The following GATA4 variants were observed in gnomAD, a reference collection of about 807,000 sequenced individuals.
GATA4 encodes the protein GATA binding protein 4.
In GATA4, 7 loss-of-function variants were observed where a neutral mutation model predicts 37.9. The observed-to-expected ratio is 0.18, with a 90% CI of 0.11 to 0.35. GATA4 has a LOEUF of 0.35. GATA4 is among the 10% of genes least tolerant of loss of function. GATA4 has a pLI of 1.00. For missense variants in GATA4, 647 were observed against 653.0 expected, an observed-to-expected ratio of 0.99 and a Z score of 0.10; for synonymous variants, 372 against 292.6, an observed-to-expected ratio of 1.27 and a Z score of -2.77.
Position 11,744,856 on chromosome 8 carries a change from G to C in GATA4, c.617-4060G>C, listed in dbSNP as rs553099814. ...CGCAATGGGACTTCTATGCTGGTGG[G>C]AATTCCACACTTTCTGCCCTAGACA... On this transcript the variant is annotated intron_variant, in intron 2 of 6. Transcript: ENST00000532059. Among the ~76,000 whole-genome samples the C allele has an allele frequency of 5.3e-5, 8 of 152,254 alleles. No homozygotes were observed. In the East Asian group the frequency reaches 1.5e-3, roughly 29 times the overall value.
At chr8:11,728,528 C>G (rs934454724) in intron 2 of GATA4, among the ~76,000 whole-genome samples, 2 of 151,592 alleles carry the variant, frequency 1.3e-5, no homozygotes, top group Non-Finnish European at 2.9e-5. Flanking sequence ...ACCACCATAC[C>G]CAGCTTTTTT....
intron 2 of GATA4, among the ~76,000 whole-genome samples, chr8:11,725,081 G>A (rs1000074973): frequency 6.6e-6 from 1 of 152,212 alleles, no homozygotes; most frequent in African/African-American, 2.4e-5. Flanking sequence ...CTGTCCTTCT[G>A]TGTTGTCATG....
chr8:11,711,997 T>G (rs915673634), intron 2 of GATA4, among the ~76,000 whole-genome samples: 1 of 152,130 alleles, frequency 6.6e-6, no homozygotes, highest in Non-Finnish European at 1.5e-5. Flanking sequence ...AAACCTAGAT[T>G]CAGTTCCAGG....
chr8:11,735,168 G>C (rs1801395838), intron 2 of GATA4, among the ~76,000 whole-genome samples: 1 of 152,238 alleles, frequency 6.6e-6, no homozygotes, highest in Non-Finnish European at 1.5e-5. Context: ...GAAAAAGCTG[G>C]TGGTGGGTTT....
chr8:11,696,842 T>TA (rs777827267), intron 1 of GATA4, among the ~76,000 whole-genome samples: 1 of 152,268 alleles, frequency 6.6e-6, no homozygotes, highest in Non-Finnish European at 1.5e-5. Context: ...AGGTGGCAAG[T>TA]AAGTCTTTCA....
intron 2 of GATA4, among the ~76,000 whole-genome samples, chr8:11,711,957 T>G (rs1004321404): frequency 1.3e-5 from 2 of 151,930 alleles, no homozygotes; most frequent in Non-Finnish European, 2.9e-5. Context: ...GACAGTGTGG[T>G]GGGAGGAGCA....
At chr8:11,752,388 C>A (rs141628054) in intron 4 of GATA4, among the ~76,000 whole-genome samples, 7 of 152,112 alleles carry the variant, frequency 4.6e-5, no homozygotes, top group Admixed American at 1.3e-4. Flanking sequence ...ACAATCATGG[C>A]GGAAGGTGAA....
At chr8:11,694,759 T>C (rs1162904311) in intron 1 of GATA4, among the ~76,000 whole-genome samples, 1 of 152,162 alleles carries the variant, frequency 6.6e-6, no homozygotes, top group Non-Finnish European at 1.5e-5. Context: ...CCATTTTTCT[T>C]CCATGATCAC....
intron 2 of GATA4, among the ~76,000 whole-genome samples, chr8:11,725,881 G>C (rs1800898817): frequency 6.6e-6 from 1 of 152,218 alleles, no homozygotes; most frequent in African/African-American, 2.4e-5. Context: ...GTGGCTTCTG[G>C]CCTCTGCATC....
intron 4 of GATA4, among the ~76,000 whole-genome samples, chr8:11,751,565 T>C (rs948913552): frequency 4.6e-5 from 7 of 152,136 alleles, no homozygotes; most frequent in African/African-American, 1.7e-4. Context: ...CAAGTTAAAT[T>C]AAAACCAAAC....
chr8:11,693,713 C>A (rs1276665725), intron 1 of GATA4, among the ~76,000 whole-genome samples: 6 of 152,094 alleles, frequency 3.9e-5, no homozygotes, highest in African/African-American at 9.7e-5. Flanking sequence ...TATACTGGGG[C>A]CTGCATCTCT....
At chr8:11,698,131 C>G (rs1297762317) in intron 1 of GATA4, 3 of 466,892 alleles carry the variant, frequency 6.4e-6, no homozygotes, top group Admixed American at 6.4e-5. Context: ...CTCTGCGTCG[C>G]CAAGTCTCTT....
intron 1 of GATA4, chr8:11,680,722 G>C (rs1207518410): frequency 3.0e-6 from 3 of 985,322 alleles, no homozygotes; most frequent in Non-Finnish European, 3.6e-6. Flanking sequence ...GCTGCGCACG[G>C]ATACCCTGGG....
At chr8:11,739,672 G>C (rs1801629400) in intron 2 of GATA4, among the ~76,000 whole-genome samples, 1 of 147,706 alleles carries the variant, frequency 6.8e-6, no homozygotes, top group Admixed American at 6.7e-5. Context: ...TCGTCATTTC[G>C]GCCGCCTCAT....
chr8:11,709,035 G>T lies in GATA4; in HGVS notation c.616+107G>T. ...CCACCAACGCCTTCGTTGGGCTGGGGATGGTGCTTCACTACCTCGAGTTTC... is the reference window on the plus strand; with the variant it reads ...CCACCAACGCCTTCGTTGGGCTGGGTATGGTGCTTCACTACCTCGAGTTTC... On this transcript the variant is annotated intron_variant, in intron 2 of 6. Coordinates refer to ENST00000532059, the MANE Select transcript of GATA4 (RefSeq NM_001308093.3). This position sits in a 1 kb window ranked among gnomAD's most constrained non-coding sequence, Gnocchi z 4.3. 2 of 1,188,476 alleles carry T rather than the reference G, an allele frequency of 1.7e-6. No homozygotes were observed. Among genetic ancestry groups the T allele is most frequent in the Non-Finnish European group, 2.2e-6 (2 of 892,006 alleles). The allele number at this position is 1,188,476 out of a possible 1,614,324, so 73.6% of individuals were successfully genotyped here. A position where few individuals can be genotyped will look rare whatever the true frequency, so the allele number is the denominator to read the frequency against.
At chr8:11,704,801 C>T (rs1291678893) in intron 1 of GATA4, among the ~76,000 whole-genome samples, 1 of 152,248 alleles carries the variant, frequency 6.6e-6, no homozygotes, top group African/African-American at 2.4e-5. Flanking sequence ...CCCCCGGGAG[C>T]CGCTCTGAGG....
chr8:11,728,024 C>T (rs1048708617), intron 2 of GATA4, among the ~76,000 whole-genome samples: 3 of 152,196 alleles, frequency 2.0e-5, no homozygotes, highest in Non-Finnish European at 2.9e-5. Context: ...GAGTTTCACG[C>T]TTGTTGCCCA....
At chr8:11,677,367 TTC>T (rs1340640632) in intron 1 of GATA4, among the ~76,000 whole-genome samples, 1 of 152,208 alleles carries the variant, frequency 6.6e-6, no homozygotes, top group East Asian at 1.9e-4. Context: ...GCATTTTAGT[TTC>T]TCTATTTCCC....
Position 11,705,923 on chromosome 8 carries a change from A to G in GATA4, c.-458+1619A>G, listed in dbSNP as rs2130051822. 1.3e-5 allele frequency: 2 copies of G among 152,280 alleles called. 1 individual carries two copies. The highest frequency in any genetic ancestry group is 6.8e-3 in the Middle Eastern group (2 of 294). 9.4% of individuals were successfully genotyped at this position (152,280 alleles called of 1,614,324 possible). ...CCTTTCTTTTCCAAAGTTATGAAAG[A>G]AAAAAAATTACATTATCTTGAAGAA... On this transcript the variant is annotated intron_variant, in intron 1 of 6. Coordinates refer to ENST00000532059, the MANE Select transcript of GATA4 (RefSeq NM_001308093.3).
Sources: allele counts gnomAD v4.1 joint callset (sites outside exome capture counted in the v4.1 genomes callset), GRCh38; gene constraint gnomAD v4.1.1; non-coding constraint Gnocchi (gnomAD v3.1); transcripts MANE v1.5; gene names NCBI Gene and HGNC (gene_info 2026-07-23, HGNC 2026-07-21).